The following PEX11G variants were observed in gnomAD, a reference collection of about 807,000 sequenced individuals.
PEX11G encodes the protein peroxisomal membrane protein 11C.
In PEX11G, 20 loss-of-function variants were observed where a neutral mutation model predicts 22.5. That is an observed-to-expected ratio of 0.89 (90% CI 0.62 to 1.29). PEX11G has a LOEUF of 1.29. Ranked by LOEUF, PEX11G falls within the 50% of genes most tolerant of loss-of-function variation. PEX11G has a pLI of 0.00. For missense variants in PEX11G, 347 were observed against 331.3 expected (o/e 1.05, Z -0.37); for synonymous variants, 141 against 154.5 (o/e 0.91, Z 0.65).
intron 3 of PEX11G, among the ~76,000 whole-genome samples, chr19:7,478,737 G>A (rs762361127): frequency 3.3e-5 from 5 of 152,254 alleles, no homozygotes; most frequent in Non-Finnish European, 7.3e-5. Flanking sequence ...CCCGCAGTTG[G>A]ACAGGCGTGG....
chr19:7,485,529 G>T (rs1195830509), intron 2 of PEX11G, among the ~76,000 whole-genome samples: 5 of 151,966 alleles, frequency 3.3e-5, no homozygotes, highest in African/African-American at 1.2e-4. Flanking sequence ...CTAATTTTTT[G>T]CATTTTTAGT....
At chr19:7,482,916 C>G (rs1473833934) in intron 2 of PEX11G, among the ~76,000 whole-genome samples, 1 of 152,224 alleles carries the variant, frequency 6.6e-6, no homozygotes, top group Non-Finnish European at 1.5e-5. Context: ...CACGCGGGCT[C>G]TCGGTCCTGC....
rs940377088 is a variant in PEX11G at position 7,488,977 on chromosome 19, C to G, written c.34G>C (p.Glu12Gln). Residue 12 changes from glutamate (E) to glutamine (Q), a missense_variant, in exon 1 of 5, where the codon GAG becomes CAG. Glu to Gln is a conservative substitution (Grantham distance 29). Transcript: ENST00000221480. ...AGGCGGTCCCGGCCCCTGTACGACT[C>G]CAGCGCCGACGCCAGGCCGCTCAGC... ...ASLSGLASAL[E>Q]SYRGRDRLIR... The G allele has an allele frequency of 3.1e-5, 48 of 1,551,654 alleles. No individual in the cohort carries two copies. The highest frequency in any genetic ancestry group is 4.0e-5 in the Non-Finnish European group (46 of 1,150,910).
chr19:7,485,597 C>T (rs1310622473), intron 2 of PEX11G, among the ~76,000 whole-genome samples: 1 of 152,076 alleles, frequency 6.6e-6, no homozygotes, highest in African/African-American at 2.4e-5. Context: ...CCTCGTGATC[C>T]GCTCGCCTCA....
At position 7,477,070 on chromosome 19, in the gene PEX11G, T is replaced by C. The variant is rs1977247646; in HGVS notation, c.*132A>G. Reference sequence around the variant, plus strand: ...GCCTGGGGGACCTCGCATCAGTCCCTCCACCCACCCTGCCCATGGGTTTCA... The same window carrying C: ...GCCTGGGGGACCTCGCATCAGTCCCCCCACCCACCCTGCCCATGGGTTTCA... On this transcript the variant is annotated 3_prime_UTR_variant, in exon 5 of 5. Coordinates refer to ENST00000221480, the MANE Select transcript of PEX11G (RefSeq NM_080662.4). 1.2e-6 allele frequency: 1 copy of C among 857,646 alleles called. No homozygotes were observed. Among genetic ancestry groups the C allele is most frequent in the South Asian group, 2.5e-5 (1 of 39,548 alleles). 53.1% of individuals were successfully genotyped at this position (857,646 alleles called of 1,614,324 possible). A position where few individuals can be genotyped will look rare whatever the true frequency, so the allele number is the denominator to read the frequency against.
intron 1 of PEX11G, 99 bp from the exon 2 acceptor site, chr19:7,486,125 T>G: frequency 3.9e-6 from 4 of 1,031,000 alleles, no homozygotes; most frequent in Non-Finnish European, 5.4e-6. Flanking sequence ...ATTGAGAGTG[T>G]GGAAGATTCT....
At chr19:7,486,299 A>C (rs1402690062) in intron 1 of PEX11G, among the ~76,000 whole-genome samples, 1 of 151,462 alleles carries the variant, frequency 6.6e-6, no homozygotes, top group African/African-American at 2.4e-5. Flanking sequence ...GCTAATTTTT[A>C]TATTTTTTGT....
rs745469981 is a variant in PEX11G at position 7,482,060 on chromosome 19, G to A, written c.401C>T (p.Ala134Val). 11 of 1,604,584 alleles carry A rather than the reference G, an allele frequency of 6.9e-6. No homozygotes were observed. Among genetic ancestry groups the A allele is most frequent in the Non-Finnish European group, 9.3e-6 (11 of 1,176,774 alleles). The change falls in exon 3 of 5, where the codon GCC becomes GTC. Residue 134 changes from alanine to valine, a missense_variant. By Grantham distance (64) the Ala-to-Val change is moderately conservative. Coordinates refer to ENST00000221480, the MANE Select transcript of PEX11G (RefSeq NM_080662.4). ...RWWTLSTTLWALSLLLGVARS... is the reference protein window; with the variant it reads ...RWWTLSTTLWVLSLLLGVARS... ...GGCAACCCCCAGGAGCAGAGAGAGG[G>A]CCCACAGGGTTGTACTCAGCGTCCA...
At position 7,476,995 on chromosome 19, in the gene PEX11G, G is replaced by T; in HGVS notation, c.*207C>A. The T allele has an allele frequency of 4.7e-6, 2 of 427,486 alleles. No homozygotes were observed. Among genetic ancestry groups the T allele is most frequent in the Non-Finnish European group, 8.2e-6 (2 of 245,264 alleles). 26.5% of individuals were successfully genotyped at this position (427,486 alleles called of 1,614,324 possible). A position where few individuals can be genotyped will look rare whatever the true frequency, so the allele number is the denominator to read the frequency against. On this transcript the variant is annotated 3_prime_UTR_variant, in exon 5 of 5. Coordinates refer to ENST00000221480, the MANE Select transcript of PEX11G (RefSeq NM_080662.4). ...CTGGCAGGCAGGAGGTGCTGCTGAAGCCCTGCACGGCCCCTGAAAACTGTC... is the reference window on the plus strand; with the variant it reads ...CTGGCAGGCAGGAGGTGCTGCTGAATCCCTGCACGGCCCCTGAAAACTGTC...
At chr19:7,489,134 C>G (rs1350072759), upstream of PEX11G, 19 of 1,250,164 alleles carry the variant, frequency 1.5e-5, no homozygotes, top group South Asian at 1.8e-5. Flanking sequence ...TCCCCCTGAC[C>G]GGCTTTTTGT....
chr19:7,479,914 G>A (rs141545894), intron 3 of PEX11G, among the ~76,000 whole-genome samples: 1 of 152,254 alleles, frequency 6.6e-6, no homozygotes, highest in East Asian at 1.9e-4. Context: ...GGGGGTATAT[G>A]GGAGCTCTCT....
chr19:7,487,329 C>T (rs942701551), intron 1 of PEX11G, among the ~76,000 whole-genome samples: 1 of 152,172 alleles, frequency 6.6e-6, no homozygotes, highest in Admixed American at 6.6e-5. Flanking sequence ...AGGCCTCAAC[C>T]CAGTGAACAA....
chr19:7,488,448 C>T (rs1448474316), intron 1 of PEX11G, among the ~76,000 whole-genome samples: 6 of 152,204 alleles, frequency 3.9e-5, no homozygotes, highest in Admixed American at 3.9e-4. Flanking sequence ...CGTCCAAACA[C>T]GGGAATCTGG....
In PEX11G at chr19:7,494,781, C is replaced by T. The variant is rs538070588; in HGVS notation, c.-457+2622G>A. Reference sequence around the variant, plus strand: ...AAACAATCTCACATGACGCCGACATCAGACAAGGCCACTCTGTGACCGCGG... The same window carrying T: ...AAACAATCTCACATGACGCCGACATTAGACAAGGCCACTCTGTGACCGCGG... On this transcript the variant is annotated intron_variant, in intron 1 of 6. Transcript: ENST00000593942. Among the ~76,000 whole-genome samples, 7 of 152,288 alleles carry T rather than the reference C, an allele frequency of 4.6e-5. No homozygotes were observed. The South Asian group carries it at 1.4e-3, about 32-fold the overall frequency.
upstream of PEX11G, chr19:7,489,510 G>A: frequency 1.0e-6 from 1 of 986,148 alleles, no homozygotes. Context: ...GTTAAGAATT[G>A]TTCTAGAATA....
At chr19:7,489,131 G>A, upstream of PEX11G, 6 of 1,266,600 alleles carry the variant, frequency 4.7e-6, no homozygotes, top group South Asian at 7.1e-5. Flanking sequence ...TTGTCCCCCT[G>A]ACCGGCTTTT....
upstream of PEX11G, among the ~76,000 whole-genome samples, chr19:7,493,896 T>TG (rs375544231): frequency 1.3e-3 from 180 of 142,516 alleles, 4 homozygotes; most frequent in South Asian, 0.029. Context: ...TCTCCCCCAG[T>TG]GGGGGGGTCA....
chr19:7,492,113 C>G (rs1355001538), upstream of PEX11G, among the ~76,000 whole-genome samples: 1 of 152,164 alleles, frequency 6.6e-6, no homozygotes, highest in African/African-American at 2.4e-5. Flanking sequence ...TTTTAGCGAT[C>G]GTGAATAAGT....
upstream of PEX11G, chr19:7,489,058 C>T: frequency 6.8e-7 from 1 of 1,462,332 alleles, no homozygotes; most frequent in Admixed American, 2.6e-5. Context: ...CGCCAGGGGG[C>T]GGGGCCAGGC....
Sources: gnomAD v4.1 joint callset for allele counts (sites outside exome capture counted in the v4.1 genomes callset) on GRCh38, gnomAD v4.1.1 for gene constraint, MANE v1.5 for transcripts, NCBI Gene and HGNC (gene_info 2026-07-23, HGNC 2026-07-21) for gene names.